The following PDZRN4 variants were observed in gnomAD, a reference collection of about 807,000 sequenced individuals.
PDZRN4 encodes the protein PDZ domain containing ring finger 4, also known as PDZ domain-containing RING finger protein 4.
A neutral mutation model predicts 99.0 loss-of-function variants in PDZRN4; 70 were observed. The observed-to-expected ratio is 0.71, with a 90% confidence interval of 0.58 to 0.86. PDZRN4 has a LOEUF of 0.86. Among genes scored for constraint, PDZRN4 ranks in the 40% least tolerant of loss-of-function variants. The probability of loss-of-function intolerance (pLI) is 0.00; values close to 1 mark genes in which losing one functional copy is unlikely to be tolerated. For missense variants in PDZRN4, 1,474 were observed against 1,331.2 expected (o/e 1.11, Z -1.67); for synonymous variants, 551 against 501.6 (o/e 1.10, Z -1.32).
chr12:41,220,993 G>T (rs543906535), intron 3 of PDZRN4, among the ~76,000 whole-genome samples: 7 of 152,272 alleles, frequency 4.6e-5, no homozygotes, highest in African/African-American at 1.7e-4. Flanking sequence ...ATAGAGGTGG[G>T]ACCATATGAC....
chr12:41,550,732 T>G (rs1302830393), intron 5 of PDZRN4, among the ~76,000 whole-genome samples: 1 of 152,188 alleles, frequency 6.6e-6, no homozygotes, highest in Non-Finnish European at 1.5e-5. Context: ...AGTACCTATC[T>G]CAGAATAGAG....
chr12:41,430,053 G>C (rs1042655024), intron 3 of PDZRN4, among the ~76,000 whole-genome samples: 2 of 152,140 alleles, frequency 1.3e-5, no homozygotes, highest in Admixed American at 6.5e-5. Flanking sequence ...ATTAGTAGTC[G>C]TGACTAGACC....
intron 5 of PDZRN4, among the ~76,000 whole-genome samples, chr12:41,520,985 A>G (rs764735681): frequency 4.7e-4 from 72 of 152,116 alleles, no homozygotes; most frequent in Non-Finnish European, 3.8e-4. Flanking sequence ...TAAGACATTT[A>G]AGGCAACATA....
chr12:41,236,183 A>G (rs1951065380), intron 3 of PDZRN4, among the ~76,000 whole-genome samples: 1 of 152,192 alleles, frequency 6.6e-6, no homozygotes, highest in Non-Finnish European at 1.5e-5. Context: ...AAGTAAATGT[A>G]CAAATGTCAT....
In PDZRN4 at chr12:41,236,817, A is replaced by G. The variant is rs371284240; in HGVS notation, c.843+42629A>G. Among the ~76,000 whole-genome samples, 16 of 152,306 alleles carry G rather than the reference A, an allele frequency of 1.1e-4. No individual in the cohort carries two copies. In the East Asian group the frequency reaches 2.3e-3, roughly 22 times the overall value. Reference sequence around the variant, plus strand: ...TTCAGCACAATCAATAGAATAAGGAAGGTGTGATAAGACCATAGATACTTG... The same window carrying G: ...TTCAGCACAATCAATAGAATAAGGAGGGTGTGATAAGACCATAGATACTTG... On this transcript the variant is annotated intron_variant, in intron 3 of 9. Transcript: ENST00000402685.
At chr12:41,266,717 G>A (rs540764694) in intron 3 of PDZRN4, among the ~76,000 whole-genome samples, 1 of 152,288 alleles carries the variant, frequency 6.6e-6, no homozygotes, top group East Asian at 1.9e-4. Context: ...TTTTAAATCA[G>A]TGAAGGCTGT....
At chr12:41,473,557 C>G (rs1267794233) in intron 3 of PDZRN4, 1 of 152,198 alleles carries the variant, frequency 6.6e-6, no homozygotes, top group Non-Finnish European at 1.5e-5. Context: ...CCAGATTTCT[C>G]TAACTTCTGG....
intron 3 of PDZRN4, among the ~76,000 whole-genome samples, chr12:41,326,575 A>C (rs1444115197): frequency 6.6e-6 from 1 of 152,314 alleles, no homozygotes; most frequent in Admixed American, 6.5e-5. Context: ...TTTGGCCCAC[A>C]TGGGATCAAG....
chr12:41,344,738 A>G (rs1951840982), intron 3 of PDZRN4, among the ~76,000 whole-genome samples: 1 of 148,376 alleles, frequency 6.7e-6, no homozygotes, highest in African/African-American at 2.5e-5. Flanking sequence ...TTGATGTAAG[A>G]TATATATATC....
intron 3 of PDZRN4, among the ~76,000 whole-genome samples, chr12:41,316,962 T>C (rs1410602548): frequency 6.7e-6 from 1 of 149,552 alleles, no homozygotes; most frequent in East Asian, 2.0e-4. Context: ...AAGCTTTTAA[T>C]CATCAAGCAC....
chr12:41,230,114 C>T (rs1951018579), intron 3 of PDZRN4, among the ~76,000 whole-genome samples: 1 of 151,952 alleles, frequency 6.6e-6, no homozygotes, highest in Non-Finnish European at 1.5e-5. Context: ...ATATAGTGGA[C>T]ATTGCTGCTG....
At chr12:41,464,820 C>CTTTTTTTTTTTTTTT (rs5797739) in intron 3 of PDZRN4, among the ~76,000 whole-genome samples, 1 of 104,842 alleles carries the variant, frequency 9.5e-6, no homozygotes, top group Non-Finnish European at 1.9e-5. Context: ...GCCTGTTGTA[C>CTTTTTTTTTTTTTTT]TTTTTTTTTT....
chr12:41,360,540 C>T (rs990228893), intron 3 of PDZRN4, among the ~76,000 whole-genome samples: 2 of 151,968 alleles, frequency 1.3e-5, no homozygotes, highest in African/African-American at 4.8e-5. Flanking sequence ...GCAGCTAAGG[C>T]AGAAACCTAC....
At chr12:41,314,123 T>C (rs773541521) in intron 3 of PDZRN4, among the ~76,000 whole-genome samples, 28 of 152,208 alleles carry the variant, frequency 1.8e-4, no homozygotes, top group Non-Finnish European at 3.2e-4. Flanking sequence ...ATTCAGGTTT[T>C]ATTATTATAA....
chr12:41,573,818 G>T lies in PDZRN4; in HGVS notation c.3039G>T (p.Leu1013=). The change falls in exon 10 of 10, where the codon CTG becomes CTT. Residue 1013 remains leucine (L), a synonymous_variant. Transcript: ENST00000402685. ...ILDNWMTIQE[L]MTHGAKSPDG... ...ACAACTGGATGACAATCCAAGAACT[G>T]ATGACCCATGGGGCCAAGTCTCCAG... The T allele has an allele frequency of 1.1e-5, 17 of 1,611,596 alleles. No homozygotes were observed. The highest frequency in any genetic ancestry group is 1.4e-5 in the Non-Finnish European group (17 of 1,178,966).
intron 3 of PDZRN4, among the ~76,000 whole-genome samples, chr12:41,205,441 A>G (rs982809040): frequency 1.3e-5 from 2 of 151,944 alleles, no homozygotes; most frequent in African/African-American, 4.8e-5. Context: ...TGGCACTCCT[A>G]TATAAATCCA....
intron 3 of PDZRN4, among the ~76,000 whole-genome samples, chr12:41,210,175 C>G (rs987453525): frequency 1.5e-5 from 2 of 135,310 alleles, no homozygotes; most frequent in African/African-American, 5.6e-5. Flanking sequence ...ATATCCTTCA[C>G]CCACTTTTTG....
At chr12:41,438,196 C>G (rs1279545367) in intron 3 of PDZRN4, among the ~76,000 whole-genome samples, 4 of 152,118 alleles carry the variant, frequency 2.6e-5, no homozygotes, top group African/African-American at 7.2e-5. Flanking sequence ...CTTGCCACTC[C>G]CCCTTCAGAT....
chr12:41,407,206 A>AG (rs1952356577), intron 3 of PDZRN4, among the ~76,000 whole-genome samples: 1 of 152,190 alleles, frequency 6.6e-6, no homozygotes, highest in African/African-American at 2.4e-5. Context: ...ATACTGACCT[A>AG]TAATATCTCA....
Sources: gnomAD v4.1 joint callset for allele counts (sites outside exome capture counted in the v4.1 genomes callset) on GRCh38, gnomAD v4.1.1 for gene constraint, MANE v1.5 for transcripts, NCBI Gene and HGNC (gene_info 2026-07-23, HGNC 2026-07-21) for gene names.